The following GALNT13 variants were observed in gnomAD, a reference collection of about 807,000 sequenced individuals.
GALNT13 encodes UDP-GalNAc:polypeptide N-acetylgalactosaminyltransferase 13.
A neutral mutation model predicts 64.2 loss-of-function variants in GALNT13; 28 were observed. The observed-to-expected ratio is 0.44, with a 90% CI of 0.32 to 0.60. The LOEUF is 0.60. Among genes scored for constraint, GALNT13 ranks in the 20% least tolerant of loss-of-function variants. The pLI is 0.05. For missense variants in GALNT13, 577 were observed against 669.8 expected (o/e 0.86, Z 1.53); for synonymous variants, 214 against 224.6 (o/e 0.95, Z 0.42).
At chr2:153,697,618 A>G in the GALNT13 span, among the ~76,000 whole-genome samples, 1 of 152,230 alleles carries the variant, frequency 6.6e-6, no homozygotes, top group Admixed American at 6.5e-5. Flanking sequence ...ATATTCAAGA[A>G]GCAGTGAGAA....
intron 8 of GALNT13, among the ~76,000 whole-genome samples, chr2:154,276,061 C>A (rs1383825103): frequency 6.6e-6 from 1 of 152,124 alleles, no homozygotes; most frequent in East Asian, 1.9e-4. Flanking sequence ...TTACCCAGTG[C>A]CTGTACCCCC....
At chr2:153,538,310 CT>C in the GALNT13 span, among the ~76,000 whole-genome samples, 13,925 of 64,426 alleles carry the variant, frequency 0.22, 1,397 homozygotes, top group East Asian at 0.51. Context: ...AATTTCTTTT[CT>C]TTTTTTTTTT....
the GALNT13 span, among the ~76,000 whole-genome samples, chr2:153,391,098 T>C: frequency 1.4e-4 from 21 of 151,962 alleles, no homozygotes; most frequent in East Asian, 2.9e-3. Context: ...GCAGAAGGAC[T>C]ATAGAGGTTA....
the GALNT13 span, among the ~76,000 whole-genome samples, chr2:153,413,761 T>C: frequency 6.6e-6 from 1 of 152,216 alleles, no homozygotes; most frequent in South Asian, 2.1e-4. Flanking sequence ...AGGTCATTTT[T>C]CTGGGCAATT....
the GALNT13 span, among the ~76,000 whole-genome samples, chr2:153,426,490 A>G: frequency 1.3e-5 from 2 of 152,134 alleles, no homozygotes; most frequent in African/African-American, 4.8e-5. Flanking sequence ...AGATTAAACT[A>G]GTCTTGTAAG....
intron 3 of GALNT13, among the ~76,000 whole-genome samples, chr2:153,989,337 C>G (rs1695013392): frequency 6.6e-6 from 1 of 151,704 alleles, no homozygotes. Context: ...AAGGCCACAT[C>G]CTTTAAGGCC....
At chr2:154,444,626 A>G (rs1701469892) in intron 12 of GALNT13, among the ~76,000 whole-genome samples, 1 of 152,100 alleles carries the variant, frequency 6.6e-6, no homozygotes, top group Non-Finnish European at 1.5e-5. Flanking sequence ...GTGTTCATGT[A>G]TTTGACCTTG....
At chr2:154,217,143 A>G (rs1573896347) in intron 4 of GALNT13, among the ~76,000 whole-genome samples, 1 of 151,872 alleles carries the variant, frequency 6.6e-6, no homozygotes, top group East Asian at 1.9e-4. Flanking sequence ...AAAGACTTTT[A>G]TATTCTCTAT....
chr2:153,404,374 C>A, the GALNT13 span, among the ~76,000 whole-genome samples: 1 of 152,144 alleles, frequency 6.6e-6, no homozygotes. Flanking sequence ...AGCCATCAAT[C>A]AACTAAATCC....
chr2:153,736,308 G>A, the GALNT13 span, among the ~76,000 whole-genome samples: 2 of 152,096 alleles, frequency 1.3e-5, no homozygotes, highest in South Asian at 4.2e-4. Context: ...CTCATATTTT[G>A]GCCAATGGGA....
At chr2:153,241,663 ATG>A in the GALNT13 span, among the ~76,000 whole-genome samples, 1 of 151,004 alleles carries the variant, frequency 6.6e-6, no homozygotes, top group East Asian at 2.0e-4. Context: ...GTGTATGTGT[ATG>A]TGTGTGTGTG....
chr2:154,005,328 T>A (rs1461196470), intron 3 of GALNT13, among the ~76,000 whole-genome samples: 1 of 152,220 alleles, frequency 6.6e-6, no homozygotes, highest in Non-Finnish European at 1.5e-5. Flanking sequence ...TTTTTATTTG[T>A]TGCGAATTTT....
At chr2:154,446,338 A>G in intron 12 of GALNT13, 1 of 303,340 alleles carries the variant, frequency 3.3e-6, no homozygotes, top group Non-Finnish European at 6.1e-6. Flanking sequence ...TCATTATTTT[A>G]TCGTAAGCCC....
the GALNT13 span, among the ~76,000 whole-genome samples, chr2:153,587,362 G>A: frequency 1.3e-5 from 2 of 152,132 alleles, no homozygotes; most frequent in South Asian, 4.1e-4. Context: ...GTATGTGTCT[G>A]TTCTCACACC....
chr2:153,729,222 A>G, the GALNT13 span, among the ~76,000 whole-genome samples: 2 of 152,256 alleles, frequency 1.3e-5, no homozygotes, highest in East Asian at 3.9e-4. Context: ...GAGTATCTTT[A>G]AAACCCTTTT....
At chr2:153,210,404 C>A in the GALNT13 span, among the ~76,000 whole-genome samples, 1 of 152,030 alleles carries the variant, frequency 6.6e-6, no homozygotes, top group African/African-American at 2.4e-5. Context: ...ACTGAGATGA[C>A]CATATACAGA....
At chr2:154,161,134 G>C (rs1440269836) in intron 4 of GALNT13, among the ~76,000 whole-genome samples, 1 of 152,126 alleles carries the variant, frequency 6.6e-6, no homozygotes, top group South Asian at 2.1e-4. Flanking sequence ...TTTCTTGAGA[G>C]GGTAAAAGAC....
At chr2:153,734,840 C>T in the GALNT13 span, among the ~76,000 whole-genome samples, 2 of 152,186 alleles carry the variant, frequency 1.3e-5, no homozygotes, top group East Asian at 1.9e-4. Context: ...TTATTATTTT[C>T]CCATAATTGT....
the GALNT13 span, among the ~76,000 whole-genome samples, chr2:153,385,020 A>G: frequency 1.3e-5 from 2 of 152,014 alleles, no homozygotes; most frequent in Non-Finnish European, 2.9e-5. Flanking sequence ...GTGAAAAAAT[A>G]ATCTATTTAA....
Sources: allele counts gnomAD v4.1 joint callset (sites outside exome capture counted in the v4.1 genomes callset), GRCh38; gene constraint gnomAD v4.1.1; transcripts MANE v1.5; gene names NCBI Gene and HGNC (gene_info 2026-07-23, HGNC 2026-07-21).